MYO1B: variants seen among roughly 807,000 people sequenced by gnomAD.
The protein encoded by MYO1B is unconventional myosin-Ib.
MYO1B carries 72 observed loss-of-function variants against 159.7 expected under a neutral mutation model. The ratio of observed to expected loss-of-function variants is 0.45; its 90% CI spans 0.37 to 0.55. MYO1B has a LOEUF of 0.55. MYO1B is among the 20% of genes least tolerant of loss of function. MYO1B has a pLI of 0.00. For synonymous variants in MYO1B, 468 were observed against 473.8 expected (o/e 0.99, Z 0.16); for missense variants, 1,062 against 1,364.8 (o/e 0.78, Z 3.50).
In MYO1B at chr2:191,387,218, T is replaced by TTA. The variant is rs778778891; in HGVS notation, c.1555-3_1555-2dup. The TTA allele has an allele frequency of 3.1e-6, 5 of 1,612,496 alleles. No homozygotes were observed. In the South Asian group the frequency reaches 3.3e-5, roughly 11 times the overall value. ...CCTGTCATTGAGTTACATGTGCTGC[T>TTA]TATAGGTGCTGTACCAGGTGGAAGG... On this transcript the variant is annotated splice_polypyrimidine_tract_variant and splice_region_variant and intron_variant, in intron 16 of 30. Coordinates refer to ENST00000392318, the MANE Select transcript of MYO1B (RefSeq NM_001130158.3).
intron 1 of MYO1B, among the ~76,000 whole-genome samples, chr2:191,274,337 A>G (rs1687628141): frequency 1.3e-5 from 2 of 152,350 alleles, no homozygotes; most frequent in South Asian, 4.1e-4. Flanking sequence ...AAAATTAGAT[A>G]TAAATTCCAC....
At chr2:191,343,285 A>AGT (rs1692342171) in intron 5 of MYO1B, among the ~76,000 whole-genome samples, 1 of 152,178 alleles carries the variant, frequency 6.6e-6, no homozygotes, top group South Asian at 2.1e-4. Flanking sequence ...GCTTTGGGGT[A>AGT]GTTTTTTCCC....
At chr2:191,309,984 T>C (rs1289876900) in intron 3 of MYO1B, among the ~76,000 whole-genome samples, 2 of 152,212 alleles carry the variant, frequency 1.3e-5, no homozygotes, top group South Asian at 2.1e-4. Context: ...AGTGAGTGAA[T>C]GAATGAATAG....
At chr2:191,351,805 A>C (rs969267802) in intron 7 of MYO1B, among the ~76,000 whole-genome samples, 2 of 152,146 alleles carry the variant, frequency 1.3e-5, no homozygotes, top group African/African-American at 4.8e-5. Flanking sequence ...AAATCACTTG[A>C]GCCTGGGAGC....
At chr2:191,283,282 A>T (rs183701671) in intron 2 of MYO1B, among the ~76,000 whole-genome samples, 5 of 151,942 alleles carry the variant, frequency 3.3e-5, no homozygotes, top group Non-Finnish European at 5.9e-5. Flanking sequence ...TATAATACTT[A>T]CAGTGCATTA....
At chr2:191,395,649 A>G (rs10439264) in intron 20 of MYO1B, among the ~76,000 whole-genome samples, 8,524 of 152,252 alleles carry the variant, frequency 0.056, 803 homozygotes, top group African/African-American at 0.19. Flanking sequence ...CAGCCCTAGA[A>G]GTAAGAAAGG....
At chr2:191,360,796 G>T in intron 8 of MYO1B, 67 bp downstream of exon 8, 1 of 917,936 alleles carries the variant, frequency 1.1e-6, no homozygotes, top group South Asian at 1.7e-5. Flanking sequence ...GTTGGAGCTG[G>T]GAGTCTCACT....
chr2:191,274,554 C>T (rs1435108343), intron 1 of MYO1B, among the ~76,000 whole-genome samples: 1 of 152,158 alleles, frequency 6.6e-6, no homozygotes, highest in Admixed American at 6.5e-5. Flanking sequence ...AGGTTGACTT[C>T]CCCCTTAATC....
intron 7 of MYO1B, among the ~76,000 whole-genome samples, chr2:191,350,639 A>C (rs576139597): frequency 4.6e-5 from 7 of 152,194 alleles, no homozygotes; most frequent in African/African-American, 1.7e-4. Context: ...ATATTTATTC[A>C]ATAAAAGGAG....
intron 2 of MYO1B, among the ~76,000 whole-genome samples, chr2:191,288,550 T>C (rs1688517317): frequency 6.6e-6 from 1 of 152,234 alleles, no homozygotes; most frequent in African/African-American, 2.4e-5. Context: ...TTAAATTTTA[T>C]GTTTCTCTAT....
chr2:191,407,348 C>T lies in MYO1B; in HGVS notation c.2557-767C>T, dbSNP rs534155839. Reference sequence around the variant, plus strand: ...AGATAGGCTAATATTTTGCTAAATTCTAACTCTCCCATTTGTATCTGGATG... The same window carrying T: ...AGATAGGCTAATATTTTGCTAAATTTTAACTCTCCCATTTGTATCTGGATG... On this transcript the variant is annotated intron_variant, in intron 24 of 30. Transcript: ENST00000392318. 8.7e-4 allele frequency among the ~76,000 whole-genome samples: 133 copies of T among 152,266 alleles called. 1 individual carries two copies. Among genetic ancestry groups the T allele is most frequent in the Admixed American group, 1.8e-3 (27 of 15,304 alleles).
intron 2 of MYO1B, among the ~76,000 whole-genome samples, chr2:191,282,334 C>T (rs1688109613): frequency 6.6e-6 from 1 of 152,222 alleles, no homozygotes; most frequent in African/African-American, 2.4e-5. Flanking sequence ...AAGGTTTCAG[C>T]AGGGCTGCAA....
Position 191,272,348 on chromosome 2 carries a change from A to C in MYO1B, c.-9-4539A>C, listed in dbSNP as rs568074632. 5.9e-5 allele frequency among the ~76,000 whole-genome samples: 9 copies of C among 152,300 alleles called. No individual in the cohort carries two copies. The South Asian group carries it at 1.9e-3, about 32-fold the overall frequency. ...CAAACTGAATATACTGCCAAGTCCC[A>C]AAGTTTTGAAACTAGAACATGGTCT... is the stretch of plus-strand genomic sequence containing the variant. On this transcript the variant is annotated intron_variant, in intron 1 of 30. Transcript: ENST00000392318.
At chr2:191,353,946 T>G (rs1693090763) in intron 7 of MYO1B, among the ~76,000 whole-genome samples, 1 of 152,162 alleles carries the variant, frequency 6.6e-6, no homozygotes, top group Non-Finnish European at 1.5e-5. Context: ...CATTACTGAG[T>G]GACCAGCAAC....
chr2:191,251,923 C>G lies in MYO1B; in HGVS notation c.-10+6297C>G, dbSNP rs114943070. On this transcript the variant is annotated intron_variant, in intron 1 of 30. Coordinates refer to ENST00000392318, the MANE Select transcript of MYO1B (RefSeq NM_001130158.3). ...TAACATTTTCCAGTGTACACCTTCT[C>G]TCTCCATCATTGCTGCTTTGCTTTA... Among the ~76,000 whole-genome samples, 556 of 152,308 alleles carry G rather than the reference C, an allele frequency of 3.7e-3. 3 individuals are homozygous for G. The highest frequency in any genetic ancestry group is 0.013 in the African/African-American group (521 of 41,548).
chr2:191,318,671 C>T (rs924207777), intron 3 of MYO1B, among the ~76,000 whole-genome samples: 2 of 152,114 alleles, frequency 1.3e-5, no homozygotes, highest in Admixed American at 1.3e-4. Context: ...TTGCTTCTCT[C>T]AAAAAATATA....
At chr2:191,359,526 C>T (rs190721533) in intron 7 of MYO1B, among the ~76,000 whole-genome samples, 2 of 152,242 alleles carry the variant, frequency 1.3e-5, no homozygotes, top group Admixed American at 6.5e-5. Context: ...TTTATTCTTA[C>T]AATCTTATGT....
intron 13 of MYO1B, among the ~76,000 whole-genome samples, chr2:191,376,556 T>A (rs1340201549): frequency 6.6e-6 from 1 of 152,182 alleles, no homozygotes; most frequent in African/African-American, 2.4e-5. Flanking sequence ...ATGCATTGAC[T>A]CATTTATTAT....
At chr2:191,324,830 T>C (rs1690949994) in intron 3 of MYO1B, among the ~76,000 whole-genome samples, 1 of 152,140 alleles carries the variant, frequency 6.6e-6, no homozygotes, top group Non-Finnish European at 1.5e-5. Context: ...TACCTTAAGA[T>C]GTGATAAGAT....
Sources: allele counts gnomAD v4.1 joint callset (sites outside exome capture counted in the v4.1 genomes callset), GRCh38; gene constraint gnomAD v4.1.1; transcripts MANE v1.5; gene names NCBI Gene and HGNC (gene_info 2026-07-23, HGNC 2026-07-21).